Variants in LTAP1 observed in about 807,000 individuals in gnomAD.
LTAP1 encodes the protein lipid transport auxiliary protein 1, also known as HCV NS5A-transactivated protein 4.
At chr1:154,207,269 C>T in the LTAP1 span, 1 of 549,546 alleles carries the variant, frequency 1.8e-6, no homozygotes, top group Non-Finnish European at 3.2e-6. Context: ...TAAAAATGCT[C>T]ATAAGGAAGG....
chr1:154,217,044 T>A, the LTAP1 span, among the ~76,000 whole-genome samples: 2 of 151,262 alleles, frequency 1.3e-5, no homozygotes, highest in Admixed American at 1.3e-4. Context: ...CCGCCGGGGC[T>A]CAAGTGATTC....
At chr1:154,211,883 T>A in the LTAP1 span, 2 of 158,044 alleles carry the variant, frequency 1.3e-5, no homozygotes, top group African/African-American at 4.8e-5. Context: ...TGAGACAGAG[T>A]TTCACTTTTG....
At chr1:154,207,520 C>T in the LTAP1 span, 6 of 1,614,148 alleles carry the variant, frequency 3.7e-6, no homozygotes, top group South Asian at 2.2e-5. Flanking sequence ...GTGCTTGGCA[C>T]GTTTACTCTT....
chr1:154,209,732 A>T, the LTAP1 span, among the ~76,000 whole-genome samples: 4,564 of 148,826 alleles, frequency 0.031, 218 homozygotes, highest in African/African-American at 0.1. Flanking sequence ...GACTACAGGC[A>T]CCCGCCACCA....
chr1:154,215,045 A>G, the LTAP1 span, among the ~76,000 whole-genome samples: 1 of 151,794 alleles, frequency 6.6e-6, no homozygotes, highest in Non-Finnish European at 1.5e-5. Flanking sequence ...GGGTTTCACC[A>G]TGTTGGCCAG....
the LTAP1 span, chr1:154,207,215 C>G: frequency 2.5e-6 from 1 of 395,144 alleles, no homozygotes; most frequent in African/African-American, 2.1e-5. Context: ...AATGCAAATC[C>G]AGAAAAAAGC....
the LTAP1 span, among the ~76,000 whole-genome samples, chr1:154,219,056 G>A: frequency 2.0e-5 from 3 of 152,308 alleles, no homozygotes; most frequent in African/African-American, 7.2e-5. Flanking sequence ...TCTGGGGAGA[G>A]CCACACAAAA....
At chr1:154,220,442 AC>A in the LTAP1 span, 4 of 1,613,428 alleles carry the variant, frequency 2.5e-6, no homozygotes, top group Non-Finnish European at 3.4e-6. Context: ...GTTCGGGTTT[AC>A]CCCGCTGTCC....
chr1:154,220,004 G>T, the LTAP1 span: 1 of 1,290,538 alleles, frequency 7.7e-7, no homozygotes, highest in Non-Finnish European at 1.1e-6. Context: ...TTTTAAAAAA[G>T]CATGCCTTCA....
At chr1:154,212,017 C>T in the LTAP1 span, 194 of 301,468 alleles carry the variant, frequency 6.4e-4, no homozygotes, top group African/African-American at 3.2e-3. Context: ...CCACCACGCC[C>T]GGCTAATTTT....
At chr1:154,217,103 C>G in the LTAP1 span, among the ~76,000 whole-genome samples, 1 of 151,820 alleles carries the variant, frequency 6.6e-6, no homozygotes, top group Non-Finnish European at 1.5e-5. Context: ...CACACCGCCA[C>G]GCCCAGCTAA....
the LTAP1 span, chr1:154,214,645 C>G: frequency 1.1e-6 from 1 of 937,646 alleles, no homozygotes; most frequent in East Asian, 2.4e-5. Flanking sequence ...GAAAATGGGG[C>G]AGAGTTAATG....
chr1:154,219,213 TAATC>T, the LTAP1 span, among the ~76,000 whole-genome samples: 2 of 152,202 alleles, frequency 1.3e-5, no homozygotes, highest in South Asian at 4.1e-4. Context: ...AAATGTCAGG[TAATC>T]AGTTGGCAAT....
the LTAP1 span, chr1:154,213,780 C>A: frequency 1.3e-6 from 1 of 763,580 alleles, no homozygotes; most frequent in Non-Finnish European, 2.1e-6. Flanking sequence ...GAATTTCCTA[C>A]TAGCCAGGGA....
the LTAP1 span, chr1:154,212,292 CCT>C: frequency 6.2e-7 from 1 of 1,613,276 alleles, no homozygotes; most frequent in Non-Finnish European, 8.5e-7. Flanking sequence ...GTACCAGCTC[CCT>C]CTGACACGTT....
At chr1:154,219,841 G>A in the LTAP1 span, 2 of 1,605,922 alleles carry the variant, frequency 1.2e-6, no homozygotes, top group Admixed American at 1.7e-5. Flanking sequence ...CCTACCTTGG[G>A]GGCATTGTGT....
the LTAP1 span, chr1:154,220,306 T>A: frequency 6.2e-7 from 1 of 1,612,398 alleles, no homozygotes; most frequent in South Asian, 1.1e-5. Flanking sequence ...CTGGGTAAGA[T>A]GCGACAGCAG....
At chr1:154,220,132 T>C in the LTAP1 span, 1 of 728,086 alleles carries the variant, frequency 1.4e-6, no homozygotes, top group Non-Finnish European at 2.3e-6. Context: ...GTGGGGTCTG[T>C]GCTCTAGCGT....
chr1:154,207,311 A>G, the LTAP1 span: 1 of 740,396 alleles, frequency 1.4e-6, no homozygotes, highest in South Asian at 1.7e-5. Flanking sequence ...CACAAGCTCT[A>G]AGAACTCTGG....
Sources: allele counts gnomAD v4.1 joint callset (sites outside exome capture counted in the v4.1 genomes callset), GRCh38; gene constraint gnomAD v4.1.1; transcripts MANE v1.5; gene names NCBI Gene and HGNC (gene_info 2026-07-23, HGNC 2026-07-21).